Variants in PIK3C2G observed in about 807,000 individuals in gnomAD.
PIK3C2G encodes phosphatidylinositol 3-kinase C2 domain-containing subunit gamma.
A neutral mutation model predicts 181.1 loss-of-function variants in PIK3C2G; 168 were observed. The observed-to-expected ratio is 0.93, with a 90% confidence interval of 0.82 to 1.05. PIK3C2G has a LOEUF of 1.05. Among genes scored for constraint, PIK3C2G ranks in the 50% least tolerant of loss-of-function variants. The pLI, the probability that PIK3C2G is intolerant of heterozygous loss-of-function variation, is 0.00. For missense variants in PIK3C2G, 1,869 were observed against 1,732.8 expected, an observed-to-expected ratio of 1.08 and a Z score of -1.40; for synonymous variants, 573 against 592.2, an observed-to-expected ratio of 0.97 and a Z score of 0.47.
At chr12:18,354,933 C>T (rs1178960257) in intron 11 of PIK3C2G, among the ~76,000 whole-genome samples, 1 of 152,100 alleles carries the variant, frequency 6.6e-6, no homozygotes, top group Non-Finnish European at 1.5e-5. Context: ...CAGATGCCAC[C>T]CACAGGTGCC....
chr12:18,285,949 A>C (rs1380255766), intron 2 of PIK3C2G, among the ~76,000 whole-genome samples: 1 of 151,974 alleles, frequency 6.6e-6, no homozygotes, highest in African/African-American at 2.4e-5. Flanking sequence ...TACAAGGGAC[A>C]CAAGAAACAA....
chr12:18,243,522 A>G (rs966931217), upstream of PIK3C2G, among the ~76,000 whole-genome samples: 1 of 152,054 alleles, frequency 6.6e-6, no homozygotes, highest in Non-Finnish European at 1.5e-5. Context: ...AAAATTAAAA[A>G]CACAGATAAT....
chr12:18,335,192 C>T (rs957346542), intron 8 of PIK3C2G, among the ~76,000 whole-genome samples: 14 of 152,058 alleles, frequency 9.2e-5, no homozygotes, highest in Non-Finnish European at 1.8e-4. Flanking sequence ...GAGGACTATT[C>T]GAGGATCTTA....
chr12:18,491,334 C>T (rs1940549497), intron 19 of PIK3C2G, 117 bp from the exon 20 acceptor site: 13 of 606,078 alleles, frequency 2.1e-5, no homozygotes, highest in Middle Eastern at 4.3e-4. Context: ...CAAAGTCATC[C>T]AAGTGTGTAA....
At chr12:18,629,451 G>A (rs543481214) in intron 31 of PIK3C2G, among the ~76,000 whole-genome samples, 41 of 152,256 alleles carry the variant, frequency 2.7e-4, no homozygotes, top group African/African-American at 9.9e-4. Flanking sequence ...TATCACAGAG[G>A]AGTAAACAAG....
chr12:18,456,913 T>C (rs1041901402), intron 18 of PIK3C2G, among the ~76,000 whole-genome samples: 6 of 152,296 alleles, frequency 3.9e-5, no homozygotes, highest in Non-Finnish European at 7.4e-5. Context: ...TACTAGTAAA[T>C]GGCAGAGCTG....
chr12:18,563,912 TAC>T (rs1469258644), intron 28 of PIK3C2G, among the ~76,000 whole-genome samples: 1 of 150,466 alleles, frequency 6.6e-6, no homozygotes, highest in East Asian at 1.9e-4. Flanking sequence ...AGCCTATATA[TAC>T]ACATAGGCTT....
At chr12:18,274,423 A>G (rs1372428463) in intron 1 of PIK3C2G, among the ~76,000 whole-genome samples, 1 of 152,200 alleles carries the variant, frequency 6.6e-6, no homozygotes, top group African/African-American at 2.4e-5. Context: ...ACAATGATAG[A>G]CTGGATTAAG....
intron 28 of PIK3C2G, among the ~76,000 whole-genome samples, 183 bp from the exon 29 acceptor site, chr12:18,566,766 A>T (rs1042495546): frequency 6.6e-5 from 10 of 152,198 alleles, no homozygotes; most frequent in African/African-American, 2.4e-4. Flanking sequence ...ATGACCATTA[A>T]TATGGCATGA....
the PIK3C2G span, chr12:18,714,604 G>A: frequency 6.6e-6 from 1 of 152,130 alleles, no homozygotes; most frequent in Admixed American, 6.6e-5. Context: ...AAGCTCCCTT[G>A]TCATACATAG....
upstream of PIK3C2G, among the ~76,000 whole-genome samples, chr12:18,245,677 T>A (rs2136930162): frequency 6.6e-6 from 1 of 152,256 alleles, no homozygotes; most frequent in Non-Finnish European, 1.5e-5. Flanking sequence ...AATTTAGTGA[T>A]AACAGAATTT....
intron 29 of PIK3C2G, among the ~76,000 whole-genome samples, chr12:18,590,641 T>C (rs1030624846): frequency 2.0e-5 from 3 of 151,916 alleles, no homozygotes; most frequent in Admixed American, 2.0e-4. Context: ...AGACTATCTA[T>C]TGGTGCAATG....
At chr12:18,616,643 CT>C (rs1373459375) in intron 31 of PIK3C2G, among the ~76,000 whole-genome samples, 1 of 152,018 alleles carries the variant, frequency 6.6e-6, no homozygotes, top group Non-Finnish European at 1.5e-5. Context: ...CATTTATTCT[CT>C]CTCTGTTCTT....
At chr12:18,264,615 A>T (rs1203471919) in intron 1 of PIK3C2G, among the ~76,000 whole-genome samples, 4 of 150,702 alleles carry the variant, frequency 2.7e-5, no homozygotes, top group African/African-American at 9.8e-5. Context: ...TTCCATTATG[A>T]TTACTTTCTT....
intron 4 of PIK3C2G, among the ~76,000 whole-genome samples, chr12:18,292,223 AAAAAATAT>A (rs1949728179): frequency 1.6e-5 from 1 of 64,482 alleles, no homozygotes; most frequent in African/African-American, 6.9e-5. Context: ...AAAAAAAAAA[AAAAAATAT>A]ATATATATAT....
chr12:18,472,348 G>A (rs748604597), intron 18 of PIK3C2G, among the ~76,000 whole-genome samples: 16 of 152,014 alleles, frequency 1.1e-4, no homozygotes, highest in African/African-American at 3.1e-4. Flanking sequence ...GTCCAAAGAC[G>A]TTCTTTAACT....
the PIK3C2G span, among the ~76,000 whole-genome samples, chr12:18,659,189 G>A: frequency 3.9e-5 from 6 of 151,964 alleles, no homozygotes; most frequent in Non-Finnish European, 4.4e-5. Flanking sequence ...ATATATAAAG[G>A]TACTCAAAAA....
rs1452977046 is a variant in PIK3C2G at position 18,503,352 on chromosome 12, T to C, written c.3088T>C (p.Leu1030=). ...IHRHSGLIGP[L]KENTIKKWFS... is the part of the protein sequence containing the mutation. ...TCGCCATTCTGGACTGATAGGACCA[T>C]TGAAAGAAAATACAATTAAAAAGTG... Residue 1030 remains leucine (L), a synonymous_variant, in exon 23 of 33, where the codon TTG becomes CTG. Coordinates refer to ENST00000538779, the MANE Select transcript of PIK3C2G (RefSeq NM_001288772.2). The C allele has an allele frequency of 6.2e-7, 1 of 1,611,884 alleles. No homozygotes were observed. The highest frequency in any genetic ancestry group is 1.1e-5 in the South Asian group (1 of 90,868).
intron 1 of PIK3C2G, among the ~76,000 whole-genome samples, chr12:18,270,674 G>A (rs1398961368): frequency 6.6e-6 from 1 of 151,858 alleles, no homozygotes; most frequent in East Asian, 1.9e-4. Context: ...GTCTATTGTG[G>A]GTACTTTATG....
Sources: gnomAD v4.1 joint callset for allele counts (sites outside exome capture counted in the v4.1 genomes callset) on GRCh38, gnomAD v4.1.1 for gene constraint, MANE v1.5 for transcripts, NCBI Gene and HGNC (gene_info 2026-07-23, HGNC 2026-07-21) for gene names.